The following NSUN2 variants were observed in gnomAD, a reference collection of about 807,000 sequenced individuals.
The protein encoded by NSUN2 is RNA cytosine C(5)-methyltransferase NSUN2.
NSUN2 carries 63 observed loss-of-function variants against 92.7 expected under a neutral mutation model. That is an observed-to-expected ratio of 0.68 (90% CI 0.56 to 0.84). NSUN2 has a LOEUF of 0.84. Among genes scored for constraint, NSUN2 ranks in the 40% least tolerant of loss-of-function variants. The pLI is 0.00. For missense variants in NSUN2, 989 were observed against 964.9 expected (o/e 1.02, Z -0.33); for synonymous variants, 356 against 348.3 (o/e 1.02, Z -0.25).
intron 12 of NSUN2, among the ~76,000 whole-genome samples, chr5:6,608,830 C>T (rs1736880822): frequency 6.6e-6 from 1 of 152,200 alleles, no homozygotes; most frequent in South Asian, 2.1e-4. Context: ...CTACTGAAAC[C>T]TAGTATGAAT....
At chr5:6,603,933 G>A (rs1736654755) in intron 17 of NSUN2, 1 of 520,398 alleles carries the variant, frequency 1.9e-6, no homozygotes. Context: ...AGAGCCTGGG[G>A]AAGTACACCA....
intron 7 of NSUN2, 37 bp from the exon 8 acceptor site, chr5:6,618,061 C>T: frequency 6.9e-7 from 1 of 1,457,094 alleles, no homozygotes; most frequent in Non-Finnish European, 9.6e-7. Flanking sequence ...AAGCTCCCTA[C>T]AGGTGGATGA....
In NSUN2 at chr5:6,607,231, T is replaced by G. The variant is rs767391744; in HGVS notation, c.1477A>C (p.Asn493His). The G allele has an allele frequency of 1.7e-5, 27 of 1,614,106 alleles. No homozygotes were observed. The highest frequency in any genetic ancestry group is 2.7e-5 in the African/African-American group (2 of 74,936). ...EIAHATEDLE[N>H]NGSKKDGVCG... The stretch of plus-strand genomic sequence containing the variant: ...ACGCCATCTTTCTTACTGCCATTAT[T>G]CTCTAAATCCTCAGTTGCATGAGCT... Residue 493 changes from asparagine (N) to histidine (H), a missense_variant, in exon 13 of 19, where the codon AAT (asparagine) becomes CAT (histidine). Physicochemically the swap from Asn to His is moderately conservative, Grantham distance 68. Coordinates refer to ENST00000264670, the MANE Select transcript of NSUN2 (RefSeq NM_017755.6).
Position 6,632,221 on chromosome 5 carries a change from T to C in NSUN2, c.255-244A>G, listed in dbSNP as rs576199871. On this transcript the variant is annotated intron_variant, in intron 2 of 18. Transcript: ENST00000264670. ...GCATATCCTACCGTTAAGTTTTACT[T>C]GCGACTCATTTAGAAAGATGTAACT... Among the ~76,000 whole-genome samples, 59 of 152,058 alleles carry C rather than the reference T, an allele frequency of 3.9e-4. 1 individual carries two copies. The highest frequency in any genetic ancestry group is 7.2e-4 in the Admixed American group (11 of 15,286).
At position 6,606,807 on chromosome 5, in the gene NSUN2, G is replaced by A. The variant is rs757331565; in HGVS notation, c.1601+13C>T. On this transcript the variant is annotated intron_variant, in intron 14 of 18. Coordinates refer to ENST00000264670, the MANE Select transcript of NSUN2 (RefSeq NM_017755.6). ...TTTCTTTAAATGAATAATTAAAAAGGCTGAATCCTTACTCAATAGGTGGAA... is the reference window on the plus strand; with the variant it reads ...TTTCTTTAAATGAATAATTAAAAAGACTGAATCCTTACTCAATAGGTGGAA... The A allele has an allele frequency of 2.8e-6, 4 of 1,428,746 alleles. No homozygotes were observed. The South Asian group carries it at 3.5e-5, about 13-fold the overall frequency. The allele number at this position is 1,428,746 out of a possible 1,614,324, so 88.5% of individuals were successfully genotyped here. A position where few individuals can be genotyped will look rare whatever the true frequency, so the allele number is the denominator to read the frequency against.
intron 6 of NSUN2, chr5:6,621,650 A>G (rs1206872314): frequency 1.2e-5 from 2 of 162,852 alleles, no homozygotes; most frequent in African/African-American, 4.8e-5. Context: ...CGAGAGGCTG[A>G]GGCAGGAGAA....
intron 4 of NSUN2, among the ~76,000 whole-genome samples, chr5:6,625,281 C>A (rs1737612789): frequency 6.6e-6 from 1 of 152,134 alleles, no homozygotes; most frequent in Non-Finnish European, 1.5e-5. Flanking sequence ...GAGTGCAGTG[C>A]TCACCCCAAC....
intron 17 of NSUN2, among the ~76,000 whole-genome samples, chr5:6,603,683 C>CTT (rs970705349): frequency 3.9e-5 from 6 of 152,194 alleles, no homozygotes; most frequent in Non-Finnish European, 8.8e-5. Flanking sequence ...GAGCGAGACT[C>CTT]TGTCTCAAAA....
rs373684756 is a variant in NSUN2 at position 6,611,047 on chromosome 5, G to A, written c.1134C>T (p.Asp378=). Residue 378 remains aspartate (D), a synonymous_variant, in exon 11 of 19, where the codon GAC becomes GAT. Coordinates refer to ENST00000264670, the MANE Select transcript of NSUN2 (RefSeq NM_017755.6). ...TKDGQWFTDW[D]AVPHSRHTQI... is the part of the protein sequence containing the mutation. ...GGGTGTGTCTGCTGTGAGGAACAGC[G>A]TCCCAGTCTGTAAACCACTGCCCAT... 2.3e-5 allele frequency: 37 copies of A among 1,613,968 alleles called. No homozygotes were observed. The highest frequency in any genetic ancestry group is 1.1e-4 in the South Asian group (10 of 91,076).
chr5:6,624,561 CA>C (rs1220622085), intron 4 of NSUN2, among the ~76,000 whole-genome samples: 12 of 152,332 alleles, frequency 7.9e-5, no homozygotes, highest in African/African-American at 2.9e-4. Context: ...TGTTCTCTAG[CA>C]GCTTACTGAT....
chr5:6,612,473 G>T (rs1159856457), intron 9 of NSUN2, among the ~76,000 whole-genome samples: 2 of 152,196 alleles, frequency 1.3e-5, no homozygotes, highest in Non-Finnish European at 2.9e-5. Context: ...CTGGCCTTAA[G>T]TGTCCATACC....
chr5:6,622,926 C>T (rs1422701204), intron 5 of NSUN2, among the ~76,000 whole-genome samples: 3 of 150,126 alleles, frequency 2.0e-5, no homozygotes, highest in Non-Finnish European at 3.0e-5. Context: ...TGTTCACTAT[C>T]ATTTTCAACC....
At chr5:6,618,421 GAA>G (rs1737300328) in intron 7 of NSUN2, among the ~76,000 whole-genome samples, 1 of 152,062 alleles carries the variant, frequency 6.6e-6, no homozygotes. Context: ...TGACTAATAA[GAA>G]ATTTTCCACA....
At chr5:6,601,140 G>A (rs1265029540) in intron 18 of NSUN2, among the ~76,000 whole-genome samples, 1 of 138,288 alleles carries the variant, frequency 7.2e-6, no homozygotes, top group Admixed American at 7.5e-5. Context: ...GAAAATATAA[G>A]AAATTCCCAA....
intron 8 of NSUN2, 83 bp from the exon 9 acceptor site, chr5:6,616,940 T>A: frequency 8.0e-7 from 1 of 1,245,028 alleles, no homozygotes; most frequent in Non-Finnish European, 1.1e-6. Context: ...TGTCACATAT[T>A]CATTACAAGC....
chr5:6,621,775 T>C (rs945390996), intron 6 of NSUN2: 7 of 416,590 alleles, frequency 1.7e-5, no homozygotes, highest in Non-Finnish European at 2.6e-5. Flanking sequence ...ATGCCATTCG[T>C]TTTTATAGAA....
In NSUN2 at chr5:6,611,081, A is replaced by G; in HGVS notation, c.1100T>C (p.Met367Thr). 1 of 1,614,142 alleles carries G rather than the reference A, an allele frequency of 6.2e-7. No homozygotes were observed. Among genetic ancestry groups the G allele is most frequent in the Non-Finnish European group, 8.5e-7 (1 of 1,180,016 alleles). The stretch of plus-strand genomic sequence containing the variant: ...TGTAAACCACTGCCCATCTTTCGTC[A>G]TTACCTGCAGAACCACAGGGTACAT... Reference protein sequence around the residue: ...WMPGITQWKVMTKDGQWFTDW... With the variant: ...WMPGITQWKVTTKDGQWFTDW... Residue 367 changes from methionine to threonine, a missense_variant, in exon 11 of 19, where the codon ATG becomes ACG. Coordinates refer to ENST00000264670, the MANE Select transcript of NSUN2 (RefSeq NM_017755.6).
chr5:6,613,620 T>A (rs1737088769), intron 9 of NSUN2, among the ~76,000 whole-genome samples: 1 of 152,224 alleles, frequency 6.6e-6, no homozygotes, highest in African/African-American at 2.4e-5. Context: ...GTCTAACACC[T>A]TCTGTGACCT....
chr5:6,602,352 A>G, intron 18 of NSUN2, 109 bp downstream of exon 18: 1 of 1,055,310 alleles, frequency 9.5e-7, no homozygotes, highest in Non-Finnish European at 1.5e-6. Flanking sequence ...ACAATCACAA[A>G]AGGCCTGAAG....
Sources: gnomAD v4.1 joint callset for allele counts (sites outside exome capture counted in the v4.1 genomes callset) on GRCh38, gnomAD v4.1.1 for gene constraint, MANE v1.5 for transcripts, NCBI Gene and HGNC (gene_info 2026-07-23, HGNC 2026-07-21) for gene names.